TRANK1: variants seen among roughly 807,000 people sequenced by gnomAD.
The protein encoded by TRANK1 is TPR and ankyrin repeat-containing protein 1.
In TRANK1, 198 loss-of-function variants were observed where a neutral mutation model predicts 266.0. That is an observed-to-expected ratio of 0.74 (90% CI 0.66 to 0.84). The LOEUF (loss-of-function observed/expected upper bound fraction) is 0.84. Among genes scored for constraint, TRANK1 ranks in the 40% least tolerant of loss-of-function variants. The pLI is 0.00. For missense variants in TRANK1, 3,326 were observed against 3,634.6 expected (o/e 0.92, Z 2.18); for synonymous variants, 1,396 against 1,384.1 (o/e 1.01, Z -0.19).
rs1161983604 is a variant in TRANK1 at position 36,858,748 on chromosome 3, C to A, written c.1642G>T (p.Ala548Ser). 6.5e-7 allele frequency: 1 copy of A among 1,535,400 alleles called. No homozygotes were observed. Among genetic ancestry groups the A allele is most frequent in the Non-Finnish European group, 8.7e-7 (1 of 1,145,940 alleles). The change falls in exon 12 of 24, where the codon GCA (alanine) becomes TCA (serine). Residue 548 changes from alanine (A) to serine (S), a missense_variant. Transcript: ENST00000645898. Reference sequence around the variant, plus strand: ...ATCTCTAGAAAGATGTGGAGTGCTGCATGCAAAGGAGTATCACCTTCCGTG... The same window carrying A: ...ATCTCTAGAAAGATGTGGAGTGCTGAATGCAAAGGAGTATCACCTTCCGTG... The part of the protein sequence containing the change: ...SLTEGDTPLH[A>S]ALHIFLEIKA...
Position 36,908,679 on chromosome 3 carries a change from A to T in TRANK1, c.24-225T>A, listed in dbSNP as rs1050016979. 4.2e-6 allele frequency: 4 copies of T among 959,656 alleles called. No individual in the cohort carries two copies. The African/African-American group carries it at 7.1e-5, about 17-fold the overall frequency. The allele number at this position is 959,656 out of a possible 1,614,324, so 59.4% of individuals were successfully genotyped here. On this transcript the variant is annotated intron_variant, in intron 1 of 23. Coordinates refer to ENST00000645898, the MANE Select transcript of TRANK1 (RefSeq NM_001329998.2). ...TCTGTTCTCAAGGGTGGCCAGACCA[A>T]TTCCATTTATTCAGCATTAATGATC...
At chr3:36,911,391 G>A (rs929562661) in intron 1 of TRANK1, among the ~76,000 whole-genome samples, 2 of 152,014 alleles carry the variant, frequency 1.3e-5, no homozygotes, top group African/African-American at 4.8e-5. Flanking sequence ...GACCATAAAT[G>A]TTATCAAACA....
chr3:36,924,727 C>G (rs984025972), intron 1 of TRANK1, among the ~76,000 whole-genome samples: 5 of 152,156 alleles, frequency 3.3e-5, no homozygotes, highest in African/African-American at 7.2e-5. Flanking sequence ...ATAACTGCCA[C>G]CGGTGCGAAA....
intron 8 of TRANK1, among the ~76,000 whole-genome samples, chr3:36,876,052 C>A (rs1047020540): frequency 1.3e-5 from 2 of 152,206 alleles, no homozygotes; most frequent in Non-Finnish European, 2.9e-5. Context: ...TTTCAAAATT[C>A]TTTAAGGGGG....
At chr3:36,844,183 G>A (rs2078884700) in intron 17 of TRANK1, among the ~76,000 whole-genome samples, 1 of 152,110 alleles carries the variant, frequency 6.6e-6, no homozygotes, top group Non-Finnish European at 1.5e-5. Context: ...ATTTAAAAAA[G>A]TCACTTAGCT....
Position 36,856,765 on chromosome 3 carries a change from A to C in TRANK1, c.2957T>G (p.Met986Arg). The C allele has an allele frequency of 2.5e-6, 4 of 1,613,936 alleles. No individual in the cohort carries two copies. The highest frequency in any genetic ancestry group is 3.4e-6 in the Non-Finnish European group (4 of 1,179,876). The change falls in exon 13 of 24, where the codon ATG becomes AGG. Residue 986 changes from methionine to arginine, a missense_variant. Coordinates refer to ENST00000645898, the MANE Select transcript of TRANK1 (RefSeq NM_001329998.2). ...GCGAGGTATACGCTTTTGAATTTTC[A>C]TGTTAGCTGACACTTGGCCTTTATT... Reference protein sequence around the residue: ...GINKGQVSANMKIQKRIPRCY... With the variant: ...GINKGQVSANRKIQKRIPRCY...
At chr3:36,913,663 G>C (rs868381442) in intron 1 of TRANK1, among the ~76,000 whole-genome samples, 1 of 152,010 alleles carries the variant, frequency 6.6e-6, no homozygotes, top group African/African-American at 2.4e-5. Context: ...TGGGGAAAGG[G>C]GTACAAATGT....
chr3:36,897,300 G>A (rs979819482), intron 4 of TRANK1, among the ~76,000 whole-genome samples: 14 of 152,164 alleles, frequency 9.2e-5, no homozygotes, highest in East Asian at 1.9e-4. Context: ...GCAAGACACC[G>A]TCTCAAAAAA....
intron 20 of TRANK1, 27 bp from the exon 21 acceptor site, chr3:36,834,934 T>C: frequency 1.9e-6 from 3 of 1,578,096 alleles, no homozygotes; most frequent in Non-Finnish European, 2.6e-6. Flanking sequence ...TTTACTTTTA[T>C]TTAGAGTACT....
intron 8 of TRANK1, chr3:36,880,318 T>G: frequency 2.5e-6 from 1 of 398,170 alleles, no homozygotes; most frequent in Admixed American, 2.4e-5. Context: ...ATGAGAAACA[T>G]CGATTCTCCA....
chr3:36,933,536 C>A (rs1575334163), intron 1 of TRANK1, among the ~76,000 whole-genome samples: 1 of 152,196 alleles, frequency 6.6e-6, no homozygotes, highest in Non-Finnish European at 1.5e-5. Context: ...GAGGTGAAAC[C>A]CAGGCTTATC....
chr3:36,928,116 TC>T, intron 1 of TRANK1, among the ~76,000 whole-genome samples: 4 of 152,230 alleles, frequency 2.6e-5, no homozygotes, highest in Middle Eastern at 3.4e-3. Context: ...GCCCCATAGC[TC>T]CCACATAAAT....
Position 36,899,089 on chromosome 3 carries a change from T to C in TRANK1, c.433+20A>G, listed in dbSNP as rs1190241224. On this transcript the variant is annotated intron_variant, in intron 4 of 23. Transcript: ENST00000645898. Reference sequence around the variant, plus strand: ...AAAATAGCAAGGACTTTACAAAAAGTCTCCCCAGTTCCAACTTACTGCTCA... The same window carrying C: ...AAAATAGCAAGGACTTTACAAAAAGCCTCCCCAGTTCCAACTTACTGCTCA... 5 of 1,535,872 alleles carry C rather than the reference T, an allele frequency of 3.3e-6. No individual in the cohort carries two copies. The highest frequency in any genetic ancestry group is 4.4e-6 in the Non-Finnish European group (5 of 1,146,420).
At chr3:36,872,397 G>A (rs9881419) in intron 9 of TRANK1, among the ~76,000 whole-genome samples, 50,128 of 151,512 alleles carry the variant, frequency 0.33, 9,270 homozygotes, top group East Asian at 0.57. Context: ...GCGAGACTTC[G>A]TCTCAAAAAA....
chr3:36,903,701 G>A (rs1248934031), intron 2 of TRANK1, among the ~76,000 whole-genome samples: 1 of 152,204 alleles, frequency 6.6e-6, no homozygotes, highest in Non-Finnish European at 1.5e-5. Flanking sequence ...AACTCTGGGT[G>A]AGTACGGCCC....
rs758777674 is a variant in TRANK1, at chr3:36,856,353, G to A, written c.3369C>T (p.Pro1123=). Residue 1123 remains proline (P), a synonymous_variant, in exon 13 of 24, where the codon CCC becomes CCT. Coordinates refer to ENST00000645898, the MANE Select transcript of TRANK1 (RefSeq NM_001329998.2). ...CCTCCCCACCTGGACTCTCTTTTCCGGGTTCCACTTCCAACCTTCTCTTCA... is the reference window on the plus strand; with the variant it reads ...CCTCCCCACCTGGACTCTCTTTTCCAGGTTCCACTTCCAACCTTCTCTTCA... ...VWLKRRLEVE[P]GKESPGGEEE... is the part of the protein sequence containing the mutation. 1.2e-5 allele frequency: 19 copies of A among 1,576,892 alleles called. No homozygotes were observed. The highest frequency in any genetic ancestry group is 1.9e-5 in the Admixed American group (1 of 52,848).
intron 1 of TRANK1, among the ~76,000 whole-genome samples, chr3:36,928,290 G>A (rs1051390631): frequency 1.3e-5 from 2 of 152,142 alleles, no homozygotes; most frequent in Admixed American, 6.6e-5. Context: ...TGTTTGTGAA[G>A]GGAATGGGGA....
At chr3:36,905,472 G>A (rs1416942267) in intron 2 of TRANK1, among the ~76,000 whole-genome samples, 3 of 152,144 alleles carry the variant, frequency 2.0e-5, no homozygotes, top group Non-Finnish European at 2.9e-5. Context: ...ACAGTGAGAA[G>A]GCAACCATCT....
rs369260304 is a variant in TRANK1, at chr3:36,855,425, C to G, written c.4297G>C (p.Glu1433Gln). The G allele has an allele frequency of 1.2e-6, 2 of 1,613,948 alleles. No homozygotes were observed. Among genetic ancestry groups the G allele is most frequent in the Non-Finnish European group, 1.7e-6 (2 of 1,179,874 alleles). The change falls in exon 13 of 24, where the codon GAG (glutamate) becomes CAG (glutamine). Residue 1433 changes from glutamate to glutamine, a missense_variant. Coordinates refer to ENST00000645898, the MANE Select transcript of TRANK1 (RefSeq NM_001329998.2). The stretch of plus-strand genomic sequence containing the variant: ...TCTTGAATCTCATCACCATAGAGCT[C>G]GTGGATGGACCATGGGAGCACCCTG... ...KLRVLPWSIH[E>Q]LYGDEIQDFT...
Sources: allele counts gnomAD v4.1 joint callset (sites outside exome capture counted in the v4.1 genomes callset), GRCh38; gene constraint gnomAD v4.1.1; transcripts MANE v1.5; gene names NCBI Gene and HGNC (gene_info 2026-07-23, HGNC 2026-07-21).